The following AGBL4 variants were observed in gnomAD, a reference collection of about 807,000 sequenced individuals.
AGBL4 encodes AGBL carboxypeptidase 4.
AGBL4 carries 58 observed loss-of-function variants against 66.4 expected under a neutral mutation model. That is an observed-to-expected ratio of 0.87 (90% CI 0.71 to 1.09). The LOEUF is 1.09. AGBL4 is among the 50% of genes least tolerant of loss of function. AGBL4 has a pLI of 0.00. For missense variants in AGBL4, 579 were observed against 631.0 expected (o/e 0.92, Z 0.88); for synonymous variants, 234 against 222.9 (o/e 1.05, Z -0.44).
At chr1:49,224,703 A>C (rs568361293) in intron 4 of AGBL4, among the ~76,000 whole-genome samples, 1 of 152,224 alleles carries the variant, frequency 6.6e-6, no homozygotes, top group East Asian at 1.9e-4. Context: ...TGTGCAACCA[A>C]AATAACATGG....
In AGBL4 at chr1:49,927,262, T is replaced by C. The variant is rs559218743; in HGVS notation, c.35-75744A>G. ...TCAAGTTGACACTGAGTATTAACCA[T>C]CACAGGCTGTATTAGTCCATTTTCA... On this transcript the variant is annotated intron_variant, in intron 1 of 13. Coordinates refer to ENST00000371839, the MANE Select transcript of AGBL4 (RefSeq NM_032785.4). Among the ~76,000 whole-genome samples the C allele has an allele frequency of 3.3e-4, 51 of 152,282 alleles. No individual in the cohort carries two copies. The South Asian group carries it at 0.011, about 32-fold the overall frequency.
At chr1:49,817,266 G>C (rs1385033355) in intron 2 of AGBL4, among the ~76,000 whole-genome samples, 1 of 152,164 alleles carries the variant, frequency 6.6e-6, no homozygotes, top group East Asian at 1.9e-4. Context: ...AAGAAAGTTG[G>C]CCTGAAGGGC....
chr1:49,251,098 C>G (rs530139708), intron 3 of AGBL4, among the ~76,000 whole-genome samples: 1 of 152,278 alleles, frequency 6.6e-6, no homozygotes, highest in Admixed American at 6.5e-5. Context: ...TCCTGGGTCC[C>G]CAGCCTGGCC....
chr1:48,936,894 A>C (rs750672097), intron 5 of AGBL4, among the ~76,000 whole-genome samples: 48 of 152,150 alleles, frequency 3.2e-4, no homozygotes, highest in Non-Finnish European at 6.3e-4. Flanking sequence ...CTCAGAATTA[A>C]TCAGAATTGT....
intron 5 of AGBL4, among the ~76,000 whole-genome samples, chr1:48,989,318 A>C (rs1271616748): frequency 6.6e-6 from 1 of 152,168 alleles, no homozygotes; most frequent in African/African-American, 2.4e-5. Context: ...TAATAATCAC[A>C]TCAAGGTAAA....
chr1:49,281,511 G>A (rs1384048494), intron 3 of AGBL4, among the ~76,000 whole-genome samples: 1 of 152,126 alleles, frequency 6.6e-6, no homozygotes, highest in Non-Finnish European at 1.5e-5. Flanking sequence ...AGAAGGAGAA[G>A]GAAGGATAGG....
At chr1:49,644,696 T>A (rs1241113563) in intron 3 of AGBL4, among the ~76,000 whole-genome samples, 2 of 151,504 alleles carry the variant, frequency 1.3e-5, no homozygotes, top group Non-Finnish European at 1.5e-5. Context: ...ATCTCTAAAT[T>A]ATTGATGGAA....
Position 49,044,268 on chromosome 1 carries a change from C to T in AGBL4, c.594+1316G>A, listed in dbSNP as rs193250212. Among the ~76,000 whole-genome samples the T allele has an allele frequency of 9.1e-3, 1,379 of 152,024 alleles. 7 individuals are homozygous for T. Among genetic ancestry groups the T allele is most frequent in the Admixed American group, 0.014 (221 of 15,264 alleles). ...ATCCCAGCACTTTGGGAGGCCGAGG[C>T]GGGTGGATCGCCTGAGGTCAGGAGT... On this transcript the variant is annotated intron_variant, in intron 5 of 13. Transcript: ENST00000371839.
At chr1:50,006,506 T>C (rs1027249267) in intron 1 of AGBL4, among the ~76,000 whole-genome samples, 2 of 152,036 alleles carry the variant, frequency 1.3e-5, no homozygotes, top group Non-Finnish European at 2.9e-5. Context: ...AAGCATTTAA[T>C]AATCAAACTC....
At chr1:48,971,936 A>G (rs1261685741) in intron 5 of AGBL4, among the ~76,000 whole-genome samples, 1 of 152,194 alleles carries the variant, frequency 6.6e-6, no homozygotes, top group Non-Finnish European at 1.5e-5. Context: ...CCTAAAAGGC[A>G]GGGATAGCTC....
chr1:49,762,294 T>C (rs1341573416), intron 2 of AGBL4, among the ~76,000 whole-genome samples: 1 of 152,216 alleles, frequency 6.6e-6, no homozygotes, highest in Non-Finnish European at 1.5e-5. Flanking sequence ...TACCTCAGTA[T>C]AATTTTGATT....
In AGBL4 at chr1:49,286,135, G is replaced by GA. The variant is rs1644403506; in HGVS notation, c.283-40272dup. 2.0e-5 allele frequency among the ~76,000 whole-genome samples: 3 copies of GA among 152,158 alleles called. No individual in the cohort carries two copies. In the South Asian group the frequency reaches 6.2e-4, roughly 31 times the overall value. ...CCACATGATTATCTCAATAGATGCA[G>GA]AAAAAGCCTTTGACAAAATTCAACA... is the stretch of plus-strand genomic sequence containing the variant. On this transcript the variant is annotated intron_variant, in intron 3 of 13. Coordinates refer to ENST00000371839, the MANE Select transcript of AGBL4 (RefSeq NM_032785.4).
At chr1:48,866,404 C>T (rs746752790) in intron 6 of AGBL4, among the ~76,000 whole-genome samples, 3 of 152,204 alleles carry the variant, frequency 2.0e-5, no homozygotes, top group Non-Finnish European at 4.4e-5. Flanking sequence ...AGTCCAGTAA[C>T]CAAAGTGTTA....
intron 4 of AGBL4, among the ~76,000 whole-genome samples, chr1:49,072,336 A>T (rs553497543): frequency 5.9e-5 from 9 of 152,218 alleles, no homozygotes; most frequent in African/African-American, 2.2e-4. Context: ...TCTTCATAGC[A>T]TCGATGGTCT....
In AGBL4 at chr1:49,762,338, T is replaced by C. The variant is rs537005582; in HGVS notation, c.158-64901A>G. Among the ~76,000 whole-genome samples the C allele has an allele frequency of 2.0e-5, 3 of 152,278 alleles. No individual in the cohort carries two copies. The East Asian group carries it at 5.8e-4, about 29-fold the overall frequency. The stretch of plus-strand genomic sequence containing the variant: ...CCTAATGATTAGTGATGCTGAATAT[T>C]TTTTCATGTACCTGTTGGCCATTTG... On this transcript the variant is annotated intron_variant, in intron 2 of 13. Coordinates refer to ENST00000371839, the MANE Select transcript of AGBL4 (RefSeq NM_032785.4).
chr1:49,952,200 A>T (rs879695370), intron 1 of AGBL4, among the ~76,000 whole-genome samples: 8 of 151,914 alleles, frequency 5.3e-5, no homozygotes, highest in Non-Finnish European at 1.0e-4. Flanking sequence ...GAGAGTGGAT[A>T]GTACTAAGAA....
At chr1:49,309,611 C>CGTGT (rs139245607) in intron 3 of AGBL4, among the ~76,000 whole-genome samples, 2 of 148,842 alleles carry the variant, frequency 1.3e-5, no homozygotes, top group Non-Finnish European at 1.5e-5. Flanking sequence ...ATTATAACAT[C>CGTGT]GTGTGTGTGT....
At chr1:48,764,481 G>A (rs185211951) in intron 6 of AGBL4, among the ~76,000 whole-genome samples, 11 of 152,316 alleles carry the variant, frequency 7.2e-5, no homozygotes, top group Non-Finnish European at 1.0e-4. Context: ...GAAGCCAAAT[G>A]GGGAAGGGGG....
chr1:48,764,047 C>T (rs991487111), intron 6 of AGBL4, among the ~76,000 whole-genome samples: 3 of 152,052 alleles, frequency 2.0e-5, no homozygotes, highest in South Asian at 2.1e-4. Flanking sequence ...TAAACTGGCC[C>T]GGGGGACACA....
Sources: gnomAD v4.1 joint callset for allele counts (sites outside exome capture counted in the v4.1 genomes callset) on GRCh38, gnomAD v4.1.1 for gene constraint, MANE v1.5 for transcripts, NCBI Gene and HGNC (gene_info 2026-07-23, HGNC 2026-07-21) for gene names.